ENOX1: variants seen among roughly 807,000 people sequenced by gnomAD.
The protein encoded by ENOX1 is candidate growth-related and time keeping constitutive hydroquinone (NADH) oxidase.
In ENOX1, 42 loss-of-function variants were observed where a neutral mutation model predicts 82.5. The observed-to-expected ratio is 0.51, with a 90% CI of 0.40 to 0.66. The LOEUF is 0.66. ENOX1 is among the 30% of genes least tolerant of loss of function. ENOX1 has a pLI of 0.00. For synonymous variants in ENOX1, 271 were observed against 282.2 expected (o/e 0.96, Z 0.40); for missense variants, 608 against 811.6 (o/e 0.75, Z 3.05).
At chr13:43,610,467 A>G (rs2082152450) in intron 2 of ENOX1, among the ~76,000 whole-genome samples, 1 of 152,172 alleles carries the variant, frequency 6.6e-6, no homozygotes, top group African/African-American at 2.4e-5. Flanking sequence ...CTTATTCAAC[A>G]TTTATTAGAT....
chr13:43,746,631 T>A (rs1950034988), intron 1 of ENOX1, among the ~76,000 whole-genome samples: 1 of 151,738 alleles, frequency 6.6e-6, no homozygotes, highest in African/African-American at 2.4e-5. Context: ...TCACTGTTCA[T>A]CCATATAGTT....
chr13:43,374,166 T>C (rs2051445150), intron 5 of ENOX1, among the ~76,000 whole-genome samples: 1 of 151,488 alleles, frequency 6.6e-6, no homozygotes. Flanking sequence ...CCCAGATTTT[T>C]CATTTTCTTT....
intron 9 of ENOX1, among the ~76,000 whole-genome samples, chr13:43,337,062 T>A (rs148090990): frequency 2.3e-3 from 349 of 152,360 alleles, no homozygotes; most frequent in Non-Finnish European, 4.0e-3. Flanking sequence ...AATTCTCAAC[T>A]AAAGTATATG....
At chr13:43,649,976 C>T (rs1283488599) in intron 2 of ENOX1, among the ~76,000 whole-genome samples, 3 of 152,204 alleles carry the variant, frequency 2.0e-5, no homozygotes, top group Non-Finnish European at 4.4e-5. Flanking sequence ...CTCCTACTCT[C>T]TTGAACTTTT....
chr13:43,445,843 G>A (rs1056413882), intron 3 of ENOX1, among the ~76,000 whole-genome samples: 7 of 152,200 alleles, frequency 4.6e-5, no homozygotes, highest in South Asian at 2.1e-4. Context: ...TGGGTGTGAC[G>A]CAAGCAATTC....
chr13:43,274,921 T>G (rs909084764), intron 12 of ENOX1, among the ~76,000 whole-genome samples: 2 of 152,226 alleles, frequency 1.3e-5, no homozygotes, highest in Admixed American at 6.5e-5. Flanking sequence ...CAAATGTTAT[T>G]TGGAGCCCTA....
At chr13:43,231,606 T>A (rs575007385) in intron 15 of ENOX1, among the ~76,000 whole-genome samples, 8 of 152,338 alleles carry the variant, frequency 5.3e-5, no homozygotes, top group Non-Finnish European at 1.0e-4. Flanking sequence ...GTACCTGAAA[T>A]GCCCTTAACA....
intron 3 of ENOX1, among the ~76,000 whole-genome samples, chr13:43,472,756 G>A (rs538230852): frequency 1.3e-5 from 2 of 152,272 alleles, no homozygotes; most frequent in Admixed American, 1.3e-4. Context: ...CCTAATATGA[G>A]CCAAGTTCTA....
chr13:43,532,548 G>C (rs550121701), intron 2 of ENOX1, among the ~76,000 whole-genome samples: 1 of 152,204 alleles, frequency 6.6e-6, no homozygotes, highest in East Asian at 1.9e-4. Context: ...AAAGAAACAA[G>C]GCAGATTTTG....
intron 2 of ENOX1, among the ~76,000 whole-genome samples, chr13:43,642,936 C>T (rs2083719953): frequency 6.6e-6 from 1 of 152,124 alleles, no homozygotes. Context: ...TGTCCATGAT[C>T]ATACAGTCCA....
chr13:43,705,146 G>C (rs2087170434), intron 1 of ENOX1, among the ~76,000 whole-genome samples: 1 of 151,266 alleles, frequency 6.6e-6, no homozygotes, highest in South Asian at 2.1e-4. Context: ...AAATAGAGGA[G>C]ACAAATGGAA....
chr13:43,399,808 G>C (rs1001134207), intron 5 of ENOX1, among the ~76,000 whole-genome samples: 2 of 152,042 alleles, frequency 1.3e-5, no homozygotes, highest in Non-Finnish European at 2.9e-5. Flanking sequence ...TTTTTCTCCT[G>C]AAAGACCACA....
Position 43,236,731 on chromosome 13 carries a change from T to C in ENOX1, c.1619A>G (p.Asn540Ser), listed in dbSNP as rs752709853. 1.9e-6 allele frequency: 3 copies of C among 1,571,102 alleles called. No homozygotes were observed. Among genetic ancestry groups the C allele is most frequent in the East Asian group, 2.3e-5 (1 of 43,218 alleles). The change falls in exon 15 of 17, where the codon AAT (asparagine) becomes AGT (serine). Residue 540 changes from asparagine (N) to serine (S), a missense_variant. Asn to Ser is a conservative substitution (Grantham distance 46, BLOSUM62 1). Transcript: ENST00000690772. ...GTTGACTAATGCAACTGTCAACACA[T>C]TGATTTCCTATAAAGTTAAAAGCCA... ...GHSHEDSNEI[N>S]VLTVALVNQD...
chr13:43,389,681 G>A (rs1021337339), intron 5 of ENOX1, among the ~76,000 whole-genome samples: 2 of 152,188 alleles, frequency 1.3e-5, no homozygotes, highest in Non-Finnish European at 2.9e-5. Flanking sequence ...TGAGGAAACT[G>A]AAGGTCAAAG....
rs1263619824 is a variant in ENOX1 at position 43,720,556 on chromosome 13, C to T, written c.-284-53012G>A. Among the ~76,000 whole-genome samples the T allele has an allele frequency of 2.0e-5, 3 of 152,192 alleles. No homozygotes were observed. The East Asian group carries it at 5.8e-4, about 29-fold the overall frequency. On this transcript the variant is annotated intron_variant, in intron 1 of 16. Coordinates refer to ENST00000690772, the MANE Select transcript of ENOX1 (RefSeq NM_001347969.2). Reference sequence around the variant, plus strand: ...TGGTGTTATGGGCATGTGACTTGTGCAGCCACAAAGAGCTTCACTCTTAGA... The same window carrying T: ...TGGTGTTATGGGCATGTGACTTGTGTAGCCACAAAGAGCTTCACTCTTAGA...
intron 12 of ENOX1, among the ~76,000 whole-genome samples, chr13:43,295,073 G>C (rs948083113): frequency 2.6e-5 from 4 of 152,272 alleles, no homozygotes; most frequent in Admixed American, 2.6e-4. Context: ...TTCATAGAAG[G>C]TATGTCTAAA....
At chr13:43,582,150 G>GA (rs1224881239) in intron 2 of ENOX1, among the ~76,000 whole-genome samples, 25 of 151,672 alleles carry the variant, frequency 1.6e-4, no homozygotes, top group Non-Finnish European at 2.2e-4. Context: ...AACAAAACTA[G>GA]AAAAAATATG....
At chr13:43,422,725 T>C (rs2055048422) in intron 3 of ENOX1, among the ~76,000 whole-genome samples, 1 of 152,124 alleles carries the variant, frequency 6.6e-6, no homozygotes, top group African/African-American at 2.4e-5. Flanking sequence ...TCAACTAGCA[T>C]GTGCAGGACA....
intron 2 of ENOX1, among the ~76,000 whole-genome samples, chr13:43,501,283 A>T (rs949755825): frequency 5.3e-5 from 8 of 151,800 alleles, no homozygotes; most frequent in Non-Finnish European, 3.0e-5. Context: ...TATATAGGGG[A>T]AAAAAGAGTC....
Sources: allele counts gnomAD v4.1 joint callset (sites outside exome capture counted in the v4.1 genomes callset), GRCh38; gene constraint gnomAD v4.1.1; transcripts MANE v1.5; gene names NCBI Gene and HGNC (gene_info 2026-07-23, HGNC 2026-07-21).